GLI3: variants seen among roughly 807,000 people sequenced by gnomAD.
The protein encoded by GLI3 is GLI family zinc finger 3, also known as transcription activator GLI3.
A neutral mutation model predicts 100.8 loss-of-function variants in GLI3; 20 were observed. The observed-to-expected ratio is 0.20, with a 90% CI of 0.14 to 0.29. The LOEUF is 0.29. Among genes scored for constraint, GLI3 ranks in the 10% least tolerant of loss-of-function variants. GLI3 has a pLI of 1.00. For synonymous variants in GLI3, 938 were observed against 860.5 expected, an observed-to-expected ratio of 1.09 and a Z score of -1.58; for missense variants, 2,040 against 2,128.5, an observed-to-expected ratio of 0.96 and a Z score of 0.82.
At chr7:42,209,122 A>G (rs1364039263) in intron 2 of GLI3, among the ~76,000 whole-genome samples, 1 of 152,070 alleles carries the variant, frequency 6.6e-6, no homozygotes, top group Non-Finnish European at 1.5e-5. Context: ...TGGCATGATC[A>G]TAGCTCACTG....
chr7:42,043,857 CTGATTTGCA>C (rs1784191559), intron 6 of GLI3, among the ~76,000 whole-genome samples: 1 of 152,210 alleles, frequency 6.6e-6, no homozygotes, highest in African/African-American at 2.4e-5. Flanking sequence ...TTTTAAATAA[CTGATTTGCA>C]TAATAACACA....
intron 3 of GLI3, among the ~76,000 whole-genome samples, chr7:42,127,931 G>C (rs1786173861): frequency 6.6e-6 from 1 of 150,662 alleles, no homozygotes; most frequent in South Asian, 2.1e-4. Context: ...AGGATTGCTT[G>C]AACCCAGGAG....
Position 42,064,341 on chromosome 7 carries a change from C to T in GLI3, c.473+12411G>A, listed in dbSNP as rs80026849. The stretch of plus-strand genomic sequence containing the variant: ...TGAAATGTTAAGAACTAGAAAGGAT[C>T]TTAAAGATCATTTAATTAATTTATT... On this transcript the variant is annotated intron_variant, in intron 4 of 14. Transcript: ENST00000395925. 4.6e-3 allele frequency among the ~76,000 whole-genome samples: 707 copies of T among 152,210 alleles called. 4 individuals carry two copies. The highest frequency in any genetic ancestry group is 0.016 in the African/African-American group (666 of 41,540).
intron 4 of GLI3, among the ~76,000 whole-genome samples, chr7:42,063,979 G>A (rs1476746691): frequency 6.6e-6 from 1 of 152,122 alleles, no homozygotes; most frequent in African/African-American, 2.4e-5. Flanking sequence ...AGAAAAGGAT[G>A]GTATGGTTAT....
rs574779311 is a variant in GLI3 at position 41,972,980 on chromosome 7, T to C, written c.1813-353A>G. Among the ~76,000 whole-genome samples, 25 of 152,192 alleles carry C rather than the reference T, an allele frequency of 1.6e-4. No individual in the cohort carries two copies. The highest frequency in any genetic ancestry group is 4.2e-4 in the South Asian group (2 of 4,814). On this transcript the variant is annotated intron_variant, in intron 12 of 14. Transcript: ENST00000395925. This position sits in a 1 kb window ranked among gnomAD's most constrained non-coding sequence, Gnocchi z 4.4. ...TATTTGATGATGATGATGATGATGA[T>C]GACGATGACTATGAAGATGGCTTAA...
chr7:42,037,295 G>A (rs984040730), intron 7 of GLI3, among the ~76,000 whole-genome samples: 2 of 152,192 alleles, frequency 1.3e-5, no homozygotes, highest in South Asian at 2.1e-4. Context: ...TGTACCTTTC[G>A]CTGTTGAGAA....
At chr7:42,246,803 A>ATTTTT (rs1198985258) in intron 1 of GLI3, among the ~76,000 whole-genome samples, 13 of 63,354 alleles carry the variant, frequency 2.1e-4, no homozygotes, top group Non-Finnish European at 3.4e-4. Context: ...GGATGATAGA[A>ATTTTT]TCTTTTTTTT....
chr7:42,261,931 TTTC>T (rs772339105), intron 1 of GLI3, among the ~76,000 whole-genome samples: 28 of 68,786 alleles, frequency 4.1e-4, no homozygotes, highest in Admixed American at 4.9e-4. Flanking sequence ...CTTCCTTTTC[TTTC>T]TTCTTTTCTT....
chr7:42,182,685 C>CGTGTGT (rs1562775928), intron 2 of GLI3, among the ~76,000 whole-genome samples: 1 of 52,812 alleles, frequency 1.9e-5, no homozygotes, highest in African/African-American at 9.4e-5. Context: ...TATATATACA[C>CGTGTGT]ATGTGTGTAT....
rs1309824593 is a variant in GLI3, at chr7:42,026,428, A to T, written c.1029-16T>A. 6.3e-7 allele frequency: 1 copy of T among 1,593,650 alleles called. No individual in the cohort carries two copies. The highest frequency in any genetic ancestry group is 1.7e-5 in the Admixed American group (1 of 59,780). On this transcript the variant is annotated splice_polypyrimidine_tract_variant and intron_variant, in intron 7 of 14. Coordinates refer to ENST00000395925, the MANE Select transcript of GLI3 (RefSeq NM_000168.6). ...CAAGGCAGGGCTGCACGGGGGAGAT[A>T]AAAAAAGACGATCATCACTTAAACG...
intron 10 of GLI3, among the ~76,000 whole-genome samples, chr7:41,983,718 G>A (rs770383960): frequency 2.4e-4 from 36 of 152,120 alleles, no homozygotes; most frequent in Non-Finnish European, 3.1e-4. Flanking sequence ...CTCTCTCGGC[G>A]CAGCCACTCT....
In GLI3 at chr7:42,062,956, G is replaced by A. The variant is rs146279310; in HGVS notation, c.473+13796C>T. On this transcript the variant is annotated intron_variant, in intron 4 of 14. Coordinates refer to ENST00000395925, the MANE Select transcript of GLI3 (RefSeq NM_000168.6). ...CCTGATAAAATCGCTAAACTGTATT[G>A]CAGATAAATAAAGGAGGCTTCTGTC... Among the ~76,000 whole-genome samples, 93 of 152,188 alleles carry A rather than the reference G, an allele frequency of 6.1e-4. 3 individuals carry two copies. In the East Asian group the frequency reaches 0.014, roughly 23 times the overall value.
At chr7:42,215,758 C>A (rs1788363961) in intron 2 of GLI3, among the ~76,000 whole-genome samples, 1 of 152,112 alleles carries the variant, frequency 6.6e-6, no homozygotes, top group Non-Finnish European at 1.5e-5. Flanking sequence ...GCTAAAATCC[C>A]AACTTGTGCC....
intron 1 of GLI3, among the ~76,000 whole-genome samples, chr7:42,259,675 G>A (rs1440495360): frequency 6.6e-6 from 1 of 152,104 alleles, no homozygotes; most frequent in Non-Finnish European, 1.5e-5. Flanking sequence ...AAGTAGTGAA[G>A]GTTTGAGATC....
intron 2 of GLI3, among the ~76,000 whole-genome samples, chr7:42,167,063 G>A (rs1459020945): frequency 6.6e-6 from 1 of 152,122 alleles, no homozygotes; most frequent in Non-Finnish European, 1.5e-5. Context: ...CTGACCTCAG[G>A]TGATCCGCCC....
chr7:42,152,881 C>T (rs1786906809), intron 2 of GLI3, among the ~76,000 whole-genome samples: 1 of 152,102 alleles, frequency 6.6e-6, no homozygotes, highest in Non-Finnish European at 1.5e-5. Flanking sequence ...AAGGGGTGAG[C>T]TTTTTTCTTT....
At position 42,081,044 on chromosome 7, in the gene GLI3, C is replaced by T. The variant is rs575512038; in HGVS notation, c.368-4187G>A. On this transcript the variant is annotated intron_variant, in intron 3 of 14. Coordinates refer to ENST00000395925, the MANE Select transcript of GLI3 (RefSeq NM_000168.6). ...ACATGATGACTTCTCCAAAGTCAGG[C>T]GAAAACTGCTGAAGCAGAAGGAAGT... is the stretch of plus-strand genomic sequence containing the variant. Among the ~76,000 whole-genome samples, 4 of 152,284 alleles carry T rather than the reference C, an allele frequency of 2.6e-5. No individual in the cohort carries two copies. The South Asian group carries it at 6.2e-4, about 24-fold the overall frequency.
chr7:42,036,464 C>T (rs915488999), intron 7 of GLI3, among the ~76,000 whole-genome samples: 6 of 152,100 alleles, frequency 3.9e-5, no homozygotes, highest in African/African-American at 1.4e-4. Flanking sequence ...CTTTTTGGTG[C>T]TTGTGTTCTA....
intron 2 of GLI3, among the ~76,000 whole-genome samples, chr7:42,180,678 A>AT (rs976189602): frequency 1.1e-4 from 17 of 152,252 alleles, no homozygotes; most frequent in African/African-American, 2.9e-4. Flanking sequence ...ACCCTGGCAG[A>AT]TGAGAAGTCG....
Sources: gnomAD v4.1 joint callset for allele counts (sites outside exome capture counted in the v4.1 genomes callset) on GRCh38, gnomAD v4.1.1 for gene constraint, Gnocchi (gnomAD v3.1) non-coding constraint, MANE v1.5 for transcripts, NCBI Gene and HGNC (gene_info 2026-07-23, HGNC 2026-07-21) for gene names.